Variants in PLCL1 observed in about 807,000 individuals in gnomAD.
PLCL1 encodes the protein inactive phospholipase C-like protein 1.
A neutral mutation model predicts 84.4 loss-of-function variants in PLCL1; 41 were observed. The ratio of observed to expected loss-of-function variants is 0.49; its 90% CI spans 0.38 to 0.63. PLCL1 has a LOEUF of 0.63. Ranked by LOEUF, PLCL1 falls within the 30% of genes least tolerant of loss-of-function variation. The probability of loss-of-function intolerance (pLI) is 0.00; values close to 1 mark genes in which losing one functional copy is unlikely to be tolerated. For synonymous variants in PLCL1, 490 were observed against 488.3 expected, an observed-to-expected ratio of 1.00 and a Z score of -0.05; for missense variants, 1,206 against 1,367.8, an observed-to-expected ratio of 0.88 and a Z score of 1.87.
At chr2:198,073,258 C>T (rs1692503386) in intron 1 of PLCL1, among the ~76,000 whole-genome samples, 1 of 152,030 alleles carries the variant, frequency 6.6e-6, no homozygotes, top group Admixed American at 6.6e-5. Context: ...AATTTGTTTC[C>T]ATTTTGACCA....
intron 1 of PLCL1, among the ~76,000 whole-genome samples, chr2:197,873,243 T>G (rs564902932): frequency 6.6e-6 from 1 of 151,994 alleles, no homozygotes; most frequent in Non-Finnish European, 1.5e-5. Context: ...TCCTTTAGGG[T>G]GGGGGTAAAA....
chr2:197,897,171 CTTCTTCTTCTTCTT>C (rs1688160269), intron 1 of PLCL1, among the ~76,000 whole-genome samples: 1 of 30,932 alleles, frequency 3.2e-5, no homozygotes, highest in African/African-American at 2.3e-4. Flanking sequence ...TCTTCTTCTT[CTTCTTCTTCTTCTT>C]CTTCTCCTTC....
At chr2:197,937,521 G>A (rs140017042) in intron 1 of PLCL1, among the ~76,000 whole-genome samples, 1 of 152,054 alleles carries the variant, frequency 6.6e-6, no homozygotes, top group Non-Finnish European at 1.5e-5. Context: ...TAAGTATTTT[G>A]TTTCTTTGAA....
At chr2:198,034,745 C>A (rs1333007785) in intron 1 of PLCL1, among the ~76,000 whole-genome samples, 2 of 152,166 alleles carry the variant, frequency 1.3e-5, no homozygotes, top group Non-Finnish European at 2.9e-5. Context: ...TAACAAAGGG[C>A]AAAAACCAAT....
At chr2:198,141,646 A>C (rs1473262039) in intron 5 of PLCL1, among the ~76,000 whole-genome samples, 1 of 152,210 alleles carries the variant, frequency 6.6e-6, no homozygotes, top group Non-Finnish European at 1.5e-5. Context: ...GTAAGATGGC[A>C]GTTGTGCACA....
intron 5 of PLCL1, among the ~76,000 whole-genome samples, chr2:198,118,730 C>A (rs1395634932): frequency 6.6e-6 from 1 of 151,976 alleles, no homozygotes; most frequent in African/African-American, 2.4e-5. Context: ...TTGTGCACTG[C>A]ACAACCGTAG....
intron 1 of PLCL1, among the ~76,000 whole-genome samples, chr2:197,982,060 G>A (rs1476265663): frequency 1.3e-5 from 2 of 151,600 alleles, no homozygotes; most frequent in African/African-American, 4.8e-5. Flanking sequence ...TAGTTTAATA[G>A]TTTAATTTAT....
intron 1 of PLCL1, among the ~76,000 whole-genome samples, chr2:197,926,166 A>G (rs1471183808): frequency 6.6e-6 from 1 of 152,108 alleles, no homozygotes; most frequent in Admixed American, 6.6e-5. Flanking sequence ...TCTACCTCCA[A>G]AGAGTATATG....
At chr2:197,967,813 G>T (rs745372012) in intron 1 of PLCL1, among the ~76,000 whole-genome samples, 10 of 152,022 alleles carry the variant, frequency 6.6e-5, no homozygotes, top group Non-Finnish European at 1.3e-4. Flanking sequence ...AATTATTTTT[G>T]TTCAGAAGAG....
At chr2:197,900,404 A>C (rs984215084) in intron 1 of PLCL1, among the ~76,000 whole-genome samples, 1 of 152,246 alleles carries the variant, frequency 6.6e-6, no homozygotes, top group Non-Finnish European at 1.5e-5. Context: ...GAATGGACTG[A>C]GAAGAAATAA....
intron 1 of PLCL1, among the ~76,000 whole-genome samples, chr2:197,811,600 C>T (rs1236009292): frequency 6.6e-6 from 1 of 152,078 alleles, no homozygotes; most frequent in Non-Finnish European, 1.5e-5. Flanking sequence ...ACAACATAAA[C>T]TATTTTAGTG....
At chr2:197,943,178 CAG>C (rs1689195449) in intron 1 of PLCL1, among the ~76,000 whole-genome samples, 1 of 122,880 alleles carries the variant, frequency 8.1e-6, no homozygotes, top group South Asian at 2.6e-4. Flanking sequence ...GTCTGAGTGA[CAG>C]AGTGAGACCC....
At chr2:197,981,471 T>C (rs897622906) in intron 1 of PLCL1, among the ~76,000 whole-genome samples, 2 of 152,234 alleles carry the variant, frequency 1.3e-5, no homozygotes, top group African/African-American at 4.8e-5. Context: ...ACAATTACTT[T>C]TTAATTCATT....
intron 3 of PLCL1, among the ~76,000 whole-genome samples, chr2:198,095,440 G>T (rs1693169250): frequency 6.6e-6 from 1 of 152,188 alleles, no homozygotes; most frequent in Non-Finnish European, 1.5e-5. Context: ...GTTGTTAAGA[G>T]TAAAAATTGG....
chr2:197,880,938 C>T (rs986354505), intron 1 of PLCL1, among the ~76,000 whole-genome samples: 3 of 152,108 alleles, frequency 2.0e-5, no homozygotes, highest in Admixed American at 2.0e-4. Flanking sequence ...AAATTATGCC[C>T]ATCTGAAAAT....
At chr2:197,924,557 A>G (rs1259116982) in intron 1 of PLCL1, among the ~76,000 whole-genome samples, 1 of 152,014 alleles carries the variant, frequency 6.6e-6, no homozygotes, top group Admixed American at 6.6e-5. Context: ...ACAACCCATG[A>G]GCAATACTAT....
chr2:197,905,098 C>CT (rs1475516131), intron 1 of PLCL1, among the ~76,000 whole-genome samples: 1 of 152,028 alleles, frequency 6.6e-6, no homozygotes, highest in African/African-American at 2.4e-5. Context: ...TTTTATTATA[C>CT]TTTAAGTTCT....
intron 1 of PLCL1, among the ~76,000 whole-genome samples, chr2:197,847,139 G>C (rs1687132588): frequency 6.6e-6 from 1 of 152,080 alleles, no homozygotes; most frequent in Non-Finnish European, 1.5e-5. Context: ...AGTGTTTACT[G>C]TAGAAACCTG....
intron 1 of PLCL1, among the ~76,000 whole-genome samples, chr2:198,058,885 C>G (rs1441418376): frequency 1.3e-5 from 2 of 152,134 alleles, no homozygotes; most frequent in African/African-American, 2.4e-5. Flanking sequence ...AATACTCATG[C>G]AAAAACAGAT....
Sources: gnomAD v4.1 joint callset for allele counts (sites outside exome capture counted in the v4.1 genomes callset) on GRCh38, gnomAD v4.1.1 for gene constraint, MANE v1.5 for transcripts, NCBI Gene and HGNC (gene_info 2026-07-23, HGNC 2026-07-21) for gene names.